COL15A1: variants seen among roughly 807,000 people sequenced by gnomAD.
COL15A1 encodes collagen type XV alpha 1 chain, also known as collagen alpha-1(XV) chain.
A neutral mutation model predicts 165.9 loss-of-function variants in COL15A1; 111 were observed. The ratio of observed to expected loss-of-function variants is 0.67; its 90% CI spans 0.57 to 0.78. COL15A1 has a LOEUF of 0.78. COL15A1 is among the 30% of genes least tolerant of loss of function. The probability of loss-of-function intolerance (pLI) is 0.00; values close to 1 mark genes in which losing one functional copy is unlikely to be tolerated. For synonymous variants in COL15A1, 659 were observed against 674.8 expected (o/e 0.98, Z 0.36); for missense variants, 1,745 against 1,789.7 (o/e 0.98, Z 0.45).
At chr9:98,992,601 C>T (rs137889783) in intron 5 of COL15A1, among the ~76,000 whole-genome samples, 5 of 152,372 alleles carry the variant, frequency 3.3e-5, no homozygotes, top group East Asian at 1.9e-4. Context: ...CCAGAGTGGA[C>T]GCCAAGGCCG....
intron 39 of COL15A1, among the ~76,000 whole-genome samples, chr9:99,064,427 C>T (rs1182706800): frequency 6.6e-6 from 1 of 152,092 alleles, no homozygotes; most frequent in Non-Finnish European, 1.5e-5. Flanking sequence ...TCTGAGGTGC[C>T]TGGAGGAAAC....
At chr9:98,984,890 C>T (rs1838283791) in intron 2 of COL15A1, among the ~76,000 whole-genome samples, 1 of 152,336 alleles carries the variant, frequency 6.6e-6, no homozygotes, top group Non-Finnish European at 1.5e-5. Flanking sequence ...CTCCGGGGTT[C>T]AAGTGATTCT....
At chr9:98,999,132 G>C (rs1340621272) in intron 6 of COL15A1, among the ~76,000 whole-genome samples, 2 of 152,228 alleles carry the variant, frequency 1.3e-5, no homozygotes, top group Admixed American at 1.3e-4. Context: ...GGGTGGGGAG[G>C]GGGGCAGAGT....
At position 98,985,652 on chromosome 9, in the gene COL15A1, G is replaced by A. The variant is rs1443766326; in HGVS notation, c.188G>A (p.Gly63Asp). The A allele has an allele frequency of 1.9e-6, 3 of 1,614,122 alleles. No individual in the cohort carries two copies. The African/African-American group carries it at 4.0e-5, about 22-fold the overall frequency. The change falls in exon 3 of 42, where the codon GGC (glycine) becomes GAC (aspartate). Residue 63 changes from glycine to aspartate, a missense_variant. Physicochemically the swap from Gly to Asp is moderately conservative, Grantham distance 94 (BLOSUM62 -1). Coordinates refer to ENST00000375001, the MANE Select transcript of COL15A1 (RefSeq NM_001855.5). ...GTATCCTTTGTCACAGGCTATGGTG[G>A]CTTCCCGGCCTACAGTTTCGGGCCT... ...SSVSFVTGYG[G>D]FPAYSFGPGA...
rs963067097 is a variant in COL15A1 at position 99,047,846 on chromosome 9, A to G, written c.2733+7A>G. On this transcript the variant is annotated splice_region_variant and intron_variant, in intron 27 of 41. Transcript: ENST00000375001. ...TGGCCTTCCCGGGCGACCTGTAGGT[A>G]TCAGTGTTCATTGGACAGGCTGGAG... 2 of 1,613,728 alleles carry G rather than the reference A, an allele frequency of 1.2e-6. No homozygotes were observed. The highest frequency in any genetic ancestry group is 1.1e-5 in the South Asian group (1 of 91,070).
At position 98,944,041 on chromosome 9, in the gene COL15A1, G is replaced by A. The variant is rs773757219; in HGVS notation, c.-21G>A. The stretch of plus-strand genomic sequence containing the variant: ...CTGCTCGACTAGCCGCGCGCCTTCC[G>A]GGGCTCCGCAGACCCGCGAGATGGC... On this transcript the variant is annotated 5_prime_UTR_variant, in exon 1 of 42. Transcript: ENST00000375001. 1.2e-6 allele frequency: 2 copies of A among 1,613,720 alleles called. No homozygotes were observed. The highest frequency in any genetic ancestry group is 1.1e-5 in the South Asian group (1 of 91,042).
chr9:99,006,777 G>A (rs1838770165), intron 9 of COL15A1, among the ~76,000 whole-genome samples: 1 of 152,212 alleles, frequency 6.6e-6, no homozygotes. Context: ...TAGCTTAATA[G>A]AAACTAGAAT....
chr9:99,016,037 G>C lies in COL15A1; in HGVS notation c.1565G>C (p.Gly522Ala). 1 of 1,614,074 alleles carries C rather than the reference G, an allele frequency of 6.2e-7. No homozygotes were observed. The highest frequency in any genetic ancestry group is 8.5e-7 in the Non-Finnish European group (1 of 1,179,934). ...ATTEEPLITAGGEESGSPPPD... is the reference protein window; with the variant it reads ...ATTEEPLITAAGEESGSPPPD... ...ACAGAGGAGCCCCTCATCACAGCTG[G>C]GGGTGAAGAGTCCGGCAGCCCTCCC... The change falls in exon 11 of 42, where the codon GGG becomes GCG. Residue 522 changes from glycine to alanine, a missense_variant. By Grantham distance (60) the Gly-to-Ala change is moderately conservative. Coordinates refer to ENST00000375001, the MANE Select transcript of COL15A1 (RefSeq NM_001855.5).
intron 23 of COL15A1, among the ~76,000 whole-genome samples, chr9:99,041,630 C>T (rs368864905): frequency 6.6e-6 from 1 of 152,038 alleles, no homozygotes; most frequent in South Asian, 2.1e-4. Flanking sequence ...GCTGGGGTGC[C>T]AGGCTAAGGT....
rs866336330 is a variant in COL15A1, at chr9:99,060,246, A to T, written c.3402+293A>T. On this transcript the variant is annotated intron_variant, in intron 36 of 41. Transcript: ENST00000375001. The stretch of plus-strand genomic sequence containing the variant: ...TACTTATATATTTTTATATATATAT[A>T]TATATATATATTTTTTTTTTGCTGG... 2.0e-3 allele frequency among the ~76,000 whole-genome samples: 177 copies of T among 89,660 alleles called. 1 individual carries two copies. The highest frequency in any genetic ancestry group is 4.5e-3 in the East Asian group (6 of 1,330). 58.8% of individuals were successfully genotyped at this position (89,660 alleles called of 152,430 possible).
intron 34 of COL15A1, 87 bp downstream of exon 34, chr9:99,055,459 T>C: frequency 1.3e-6 from 1 of 784,672 alleles, no homozygotes; most frequent in Non-Finnish European, 2.2e-6. Flanking sequence ...TTAGGGCTAG[T>C]CATTGTACTA....
intron 26 of COL15A1, among the ~76,000 whole-genome samples, chr9:99,045,654 G>A (rs1160675855): frequency 1.3e-5 from 2 of 152,186 alleles, no homozygotes; most frequent in Admixed American, 6.5e-5. Flanking sequence ...CCATTTTATA[G>A]ATGAGGAAAC....
intron 38 of COL15A1, 70 bp downstream of exon 38, chr9:99,062,374 T>C (rs1228040038): frequency 8.8e-7 from 1 of 1,134,778 alleles, no homozygotes; most frequent in African/African-American, 1.5e-5. Context: ...CCTTGGTATC[T>C]AGCACCAAGC....
At position 99,044,785 on chromosome 9, in the gene COL15A1, C is replaced by A; in HGVS notation, c.2679+15C>A. ...CAGGACCAATGGTAAGTCAGAGCGTCTCTCAGCTGGATCTGGGCTGGGGTT... is the reference window on the plus strand; with the variant it reads ...CAGGACCAATGGTAAGTCAGAGCGTATCTCAGCTGGATCTGGGCTGGGGTT... On this transcript the variant is annotated intron_variant, in intron 26 of 41. Transcript: ENST00000375001. 1.2e-6 allele frequency: 2 copies of A among 1,610,928 alleles called. No individual in the cohort carries two copies. The highest frequency in any genetic ancestry group is 1.1e-5 in the South Asian group (1 of 90,934).
At chr9:98,962,563 A>G (rs936102291) in intron 2 of COL15A1, among the ~76,000 whole-genome samples, 1 of 152,210 alleles carries the variant, frequency 6.6e-6, no homozygotes, top group African/African-American at 2.4e-5. Flanking sequence ...TTCAAAACTT[A>G]AGTGCTTTTA....
intron 2 of COL15A1, among the ~76,000 whole-genome samples, chr9:98,975,888 C>A (rs1215631210): frequency 6.6e-6 from 1 of 151,514 alleles, no homozygotes; most frequent in Non-Finnish European, 1.5e-5. Context: ...CTGAGCCTGA[C>A]TGGAAAGATT....
intron 2 of COL15A1, among the ~76,000 whole-genome samples, chr9:98,963,956 A>G (rs1837907177): frequency 6.6e-6 from 1 of 152,386 alleles, no homozygotes; most frequent in East Asian, 1.9e-4. Context: ...CAAAATGGAC[A>G]GAATATGCTT....
chr9:99,000,178 T>G (rs1838623301), intron 6 of COL15A1, among the ~76,000 whole-genome samples: 2 of 152,194 alleles, frequency 1.3e-5, no homozygotes, highest in South Asian at 4.1e-4. Flanking sequence ...AAGAAATATA[T>G]GCATGTGGGA....
chr9:99,025,092 A>G, intron 15 of COL15A1, 93 bp downstream of exon 15: 4 of 1,081,658 alleles, frequency 3.7e-6, no homozygotes, highest in Non-Finnish European at 5.4e-6. Context: ...AGCACTGTCC[A>G]AGGTTCGCGA....
Sources: gnomAD v4.1 joint callset for allele counts (sites outside exome capture counted in the v4.1 genomes callset) on GRCh38, gnomAD v4.1.1 for gene constraint, MANE v1.5 for transcripts, NCBI Gene and HGNC (gene_info 2026-07-23, HGNC 2026-07-21) for gene names.